The following MARK4 variants were observed in gnomAD, a reference collection of about 807,000 sequenced individuals.
The protein encoded by MARK4 is microtubule affinity regulating kinase 4.
MARK4 carries 19 observed loss-of-function variants against 81.5 expected under a neutral mutation model. That is an observed-to-expected ratio of 0.23 (90% CI 0.16 to 0.34). The LOEUF is 0.34. Among genes scored for constraint, MARK4 ranks in the 10% least tolerant of loss-of-function variants. The pLI is 1.00. For missense variants in MARK4, 772 were observed against 1,058.8 expected, an observed-to-expected ratio of 0.73 and a Z score of 3.76; for synonymous variants, 436 against 439.0, an observed-to-expected ratio of 0.99 and a Z score of 0.08.
rs1452994599 is a variant in MARK4 at position 45,302,643 on chromosome 19, G to A, written c.2192G>A (p.Arg731His). The stretch of plus-strand genomic sequence containing the variant: ...GGCTTGCGGGGAGTTCTCTTCCGCC[G>A]TGTGGCGGGCACCGCCCTGGCCTTC... ...RPGLRGVLFR[R>H]VAGTALAFRT... Residue 731 changes from arginine (R) to histidine (H), a missense_variant, in exon 17 of 17, where the codon CGT becomes CAT. Around this residue, in one of 3 missense-constraint regions of MARK4, gnomAD observed 548 missense variants for 624.3 expected, o/e 0.88. Transcript: ENST00000262891. This position sits in a 1 kb window ranked among gnomAD's most constrained non-coding sequence, Gnocchi z 4.9. The A allele has an allele frequency of 6.5e-7, 1 of 1,541,018 alleles. No homozygotes were observed. Among genetic ancestry groups the A allele is most frequent in the East Asian group, 2.4e-5 (1 of 41,030 alleles).
At chr19:45,291,819 G>A (rs1401493077) in intron 13 of MARK4, among the ~76,000 whole-genome samples, 1 of 152,296 alleles carries the variant, frequency 6.6e-6, no homozygotes, top group Non-Finnish European at 1.5e-5. Flanking sequence ...TGTCATGGCT[G>A]TAACCCAAGA....
Position 45,259,043 on chromosome 19 carries a change from C to A in MARK4, c.106C>A (p.Arg36Ser). The A allele has an allele frequency of 6.2e-7, 1 of 1,613,930 alleles. No individual in the cohort carries two copies. Among genetic ancestry groups the A allele is most frequent in the Non-Finnish European group, 8.5e-7 (1 of 1,180,022 alleles). Residue 36 changes from arginine (R) to serine (S), a missense_variant, in exon 2 of 17, where the codon CGC (arginine) becomes AGC (serine). Around this residue, in one of 3 missense-constraint regions of MARK4, gnomAD observed 115 missense variants for 139.8 expected, o/e 0.82. Coordinates refer to ENST00000262891, the MANE Select transcript of MARK4 (RefSeq NM_001199867.2). The stretch of plus-strand genomic sequence containing the variant: ...GGACAAAGGCCCGTCCTGGTCCAGC[C>A]GCTCACTGGGTGCCCGTTGCCGGAA... The part of the protein sequence containing the change: ...SSDKGPSWSS[R>S]SLGARCRNSI...
intron 1 of MARK4, 183 bp from the exon 2 acceptor site, chr19:45,258,806 G>A (rs779135598): frequency 1.6e-5 from 10 of 621,458 alleles, no homozygotes; most frequent in Non-Finnish European, 2.8e-5. Context: ...TGGAGGACAT[G>A]GGGGCTTTTG....
chr19:45,266,448 T>G (rs1222686959), intron 7 of MARK4, among the ~76,000 whole-genome samples, 167 bp downstream of exon 7: 1 of 151,884 alleles, frequency 6.6e-6, no homozygotes, highest in African/African-American at 2.4e-5. Context: ...TTCCCAAGCT[T>G]TTGTGGCAGA....
chr19:45,274,990 G>A (rs375304681), intron 8 of MARK4, among the ~76,000 whole-genome samples: 21 of 152,198 alleles, frequency 1.4e-4, no homozygotes, highest in Admixed American at 1.3e-3. Flanking sequence ...GACAGGTGTC[G>A]TGGCTCATGC....
chr19:45,294,712 A>G (rs1970864381), intron 14 of MARK4, among the ~76,000 whole-genome samples: 1 of 152,144 alleles, frequency 6.6e-6, no homozygotes, highest in African/African-American at 2.4e-5. Context: ...TGATTTTTTG[A>G]ATGATCCATT....
chr19:45,253,914 A>G (rs1970275255), intron 1 of MARK4, among the ~76,000 whole-genome samples: 1 of 152,146 alleles, frequency 6.6e-6, no homozygotes, highest in Admixed American at 6.5e-5. Flanking sequence ...TGGAACGCCT[A>G]ATGAAGACTT....
intron 14 of MARK4, 83 bp from the exon 15 acceptor site, chr19:45,297,593 G>T: frequency 2.4e-6 from 2 of 835,558 alleles, no homozygotes; most frequent in Non-Finnish European, 1.8e-6. Flanking sequence ...CCTGGTCTCA[G>T]GACAGGAATG....
intron 1 of MARK4, among the ~76,000 whole-genome samples, chr19:45,252,367 C>T (rs572011630): frequency 6.6e-6 from 1 of 152,240 alleles, no homozygotes; most frequent in South Asian, 2.1e-4. Context: ...CCCAGGAAGC[C>T]TTGGCCTCCA....
intron 12 of MARK4, among the ~76,000 whole-genome samples, chr19:45,281,165 G>A (rs1443435918): frequency 6.6e-6 from 1 of 151,462 alleles, no homozygotes; most frequent in East Asian, 1.9e-4. Context: ...CGATTCTTCT[G>A]CCTTAGGCTC....
chr19:45,274,521 C>T (rs1164002781), intron 8 of MARK4, among the ~76,000 whole-genome samples: 1 of 152,000 alleles, frequency 6.6e-6, no homozygotes, highest in Non-Finnish European at 1.5e-5. Context: ...ATCCCTGCTA[C>T]TCGGGAGGCT....
chr19:45,275,183 C>T (rs1390908877), intron 8 of MARK4, among the ~76,000 whole-genome samples: 2 of 152,240 alleles, frequency 1.3e-5, no homozygotes. Context: ...ATCACTTGAA[C>T]CTGGGAGGCA....
At chr19:45,273,455 C>T (rs1970557919) in intron 8 of MARK4, among the ~76,000 whole-genome samples, 1 of 152,162 alleles carries the variant, frequency 6.6e-6, no homozygotes, top group Admixed American at 6.5e-5. Context: ...CTGGCCTCTA[C>T]GCCATGGCCC....
chr19:45,289,376 ACT>A (rs1293810345), intron 13 of MARK4, among the ~76,000 whole-genome samples: 9 of 110,688 alleles, frequency 8.1e-5, no homozygotes, highest in African/African-American at 3.1e-4. Context: ...ACAGAGCAAG[ACT>A]CTGTTTCAAA....
At chr19:45,286,880 C>A (rs1412154513) in intron 12 of MARK4, among the ~76,000 whole-genome samples, 2 of 152,140 alleles carry the variant, frequency 1.3e-5, no homozygotes, top group African/African-American at 2.4e-5. Flanking sequence ...GTTGACCCAT[C>A]TCTTGTCTTG....
chr19:45,253,680 G>A (rs1341601531), intron 1 of MARK4, among the ~76,000 whole-genome samples: 1 of 152,160 alleles, frequency 6.6e-6, no homozygotes, highest in Non-Finnish European at 1.5e-5. Context: ...CTCTAAATCG[G>A]GTTGATGATG....
In MARK4 at chr19:45,281,942, A is replaced by C. The variant is rs112413541; in HGVS notation, c.1276+1208A>C. On this transcript the variant is annotated intron_variant, in intron 12 of 16. Transcript: ENST00000262891. Reference sequence around the variant, plus strand: ...AAAATGAATACAGAGTCTGAGTTTAAATCTGGGCCAGGCACGGTGGCTCAT... The same window carrying C: ...AAAATGAATACAGAGTCTGAGTTTACATCTGGGCCAGGCACGGTGGCTCAT... Among the ~76,000 whole-genome samples, 290 of 152,154 alleles carry C rather than the reference A, an allele frequency of 1.9e-3. 2 individuals carry two copies. The highest frequency in any genetic ancestry group is 6.8e-3 in the African/African-American group (284 of 41,524).
chr19:45,302,642 C>T lies in MARK4; in HGVS notation c.2191C>T (p.Arg731Cys), dbSNP rs1970993178. ...RPGLRGVLFRRVAGTALAFRT... is the reference protein window; with the variant it reads ...RPGLRGVLFRCVAGTALAFRT... The stretch of plus-strand genomic sequence containing the variant: ...AGGCTTGCGGGGAGTTCTCTTCCGC[C>T]GTGTGGCGGGCACCGCCCTGGCCTT... Residue 731 changes from arginine to cysteine, a missense_variant, in exon 17 of 17, where the codon CGT (arginine) becomes TGT (cysteine). This residue lies in a region of MARK4 where 548 missense variants were observed against 624.3 expected (regional missense o/e 0.88). Transcript: ENST00000262891. This position sits in a 1 kb window ranked among gnomAD's most constrained non-coding sequence, Gnocchi z 4.9. The T allele has an allele frequency of 3.2e-6, 5 of 1,541,288 alleles. No individual in the cohort carries two copies. Among genetic ancestry groups the T allele is most frequent in the Non-Finnish European group, 2.6e-6 (3 of 1,149,670 alleles).
intron 10 of MARK4, among the ~76,000 whole-genome samples, chr19:45,278,990 A>G (rs1401346939): frequency 6.6e-6 from 1 of 152,076 alleles, no homozygotes; most frequent in African/African-American, 2.4e-5. Context: ...AGGTCGAGGT[A>G]GAAGAATCAC....
Sources: gnomAD v4.1 joint callset for allele counts (sites outside exome capture counted in the v4.1 genomes callset) on GRCh38, gnomAD v4.1.1 for gene constraint, gnomAD v4.1.1 regional missense constraint, Gnocchi (gnomAD v3.1) non-coding constraint, MANE v1.5 for transcripts, NCBI Gene and HGNC (gene_info 2026-07-23, HGNC 2026-07-21) for gene names.